Variants in FAF1 observed in about 807,000 individuals in gnomAD.
FAF1 encodes FAS-associated factor 1.
A neutral mutation model predicts 92.5 loss-of-function variants in FAF1; 25 were observed. That is an observed-to-expected ratio of 0.27 (90% confidence interval 0.20 to 0.38). The LOEUF is 0.38. Among genes scored for constraint, FAF1 ranks in the 10% least tolerant of loss-of-function variants. The pLI is 1.00. For missense variants in FAF1, 636 were observed against 793.3 expected, an observed-to-expected ratio of 0.80 and a Z score of 2.38; for synonymous variants, 234 against 273.2, an observed-to-expected ratio of 0.86 and a Z score of 1.42.
rs559836988 is a variant in FAF1 at position 50,813,075 on chromosome 1, G to A, written c.115-11398C>T. On this transcript the variant is annotated intron_variant, in intron 2 of 18. Coordinates refer to ENST00000396153, the MANE Select transcript of FAF1 (RefSeq NM_007051.3). ...ACACTGGGGCCTCCTTGAGAGTGGC[G>A]GGTGGGAGGAAGGTGAGGACAGAAA... Among the ~76,000 whole-genome samples the A allele has an allele frequency of 4.4e-3, 671 of 152,170 alleles. 4 individuals are homozygous for A. The highest frequency in any genetic ancestry group is 0.013 in the African/African-American group (548 of 41,528).
intron 1 of FAF1, among the ~76,000 whole-genome samples, chr1:50,915,593 AGGCAGAGGTAAGGCAGGG>A (rs1040670035): frequency 2.6e-5 from 4 of 152,026 alleles, no homozygotes; most frequent in African/African-American, 9.7e-5. Context: ...GTACCTCAGG[AGGCAGAGGTAAGGCAGGG>A]GGCTGAAAAT....
At chr1:50,646,654 A>T (rs1269501458) in intron 8 of FAF1, among the ~76,000 whole-genome samples, 2 of 152,162 alleles carry the variant, frequency 1.3e-5, no homozygotes, top group African/African-American at 4.8e-5. Context: ...ACTGTTAGCA[A>T]AATTGGTTGT....
chr1:50,725,030 T>G (rs1163641536), intron 6 of FAF1, among the ~76,000 whole-genome samples: 1 of 152,192 alleles, frequency 6.6e-6, no homozygotes, highest in Non-Finnish European at 1.5e-5. Flanking sequence ...AGATTTCGAT[T>G]TAGATCTAGA....
intron 1 of FAF1, among the ~76,000 whole-genome samples, chr1:50,869,212 T>C (rs551036451): frequency 9.2e-5 from 14 of 152,186 alleles, no homozygotes; most frequent in South Asian, 2.1e-4. Flanking sequence ...AATAGTTTCA[T>C]AGTATATAAT....
At chr1:50,551,719 A>G (rs757085221) in intron 13 of FAF1, among the ~76,000 whole-genome samples, 3 of 152,220 alleles carry the variant, frequency 2.0e-5, no homozygotes, top group Non-Finnish European at 2.9e-5. Context: ...AAGGTGTTCC[A>G]AAAGATCCTT....
intron 2 of FAF1, among the ~76,000 whole-genome samples, chr1:50,815,233 C>G (rs1369884763): frequency 6.6e-6 from 1 of 152,028 alleles, no homozygotes; most frequent in Admixed American, 6.5e-5. Flanking sequence ...TGTCCACCTC[C>G]CCTCTCTCCC....
chr1:50,889,891 C>T (rs181589508), intron 1 of FAF1, among the ~76,000 whole-genome samples: 2 of 152,300 alleles, frequency 1.3e-5, no homozygotes, highest in East Asian at 3.9e-4. Context: ...CCGCTTGATG[C>T]AGAGCTGAGT....
chr1:50,518,566 G>A (rs1245942363), intron 15 of FAF1, among the ~76,000 whole-genome samples: 1 of 151,752 alleles, frequency 6.6e-6, no homozygotes, highest in African/African-American at 2.4e-5. Context: ...TCAGCCTCCT[G>A]AGTAGCTGGG....
intron 1 of FAF1, among the ~76,000 whole-genome samples, chr1:50,882,668 G>A (rs1302856380): frequency 6.6e-6 from 1 of 151,068 alleles, no homozygotes; most frequent in African/African-American, 2.4e-5. Flanking sequence ...ATGTATGTAT[G>A]TGTAAACACA....
chr1:50,781,101 C>T, intron 4 of FAF1: 1 of 344,468 alleles, frequency 2.9e-6, no homozygotes, highest in South Asian at 2.3e-5. Context: ...ACTCTCAGGA[C>T]ATCATTTACC....
In FAF1 at chr1:50,871,845, C is replaced by A. The variant is rs564273034; in HGVS notation, c.46-13848G>T. On this transcript the variant is annotated intron_variant, in intron 1 of 18. Transcript: ENST00000396153. ...ATTTAGAAAAACGAGGCGGGCGGATCACGAGGTCAGGAGATCGAGACCATC... is the reference window on the plus strand; with the variant it reads ...ATTTAGAAAAACGAGGCGGGCGGATAACGAGGTCAGGAGATCGAGACCATC... 1.1e-4 allele frequency among the ~76,000 whole-genome samples: 16 copies of A among 152,078 alleles called. No individual in the cohort carries two copies. In the East Asian group the frequency reaches 3.1e-3, roughly 29 times the overall value.
In FAF1 at chr1:50,788,155, T is replaced by C; in HGVS notation, c.212A>G (p.His71Arg). 6.2e-7 allele frequency: 1 copy of C among 1,614,180 alleles called. No individual in the cohort carries two copies. Among genetic ancestry groups the C allele is most frequent in the South Asian group, 1.1e-5 (1 of 91,084 alleles). Residue 71 changes from histidine (H) to arginine (R), a missense_variant, in exon 4 of 19, where the codon CAT (histidine) becomes CGT (arginine). By Grantham distance (29) the His-to-Arg change is conservative (BLOSUM62 0). Around this residue, in one of 2 missense-constraint regions of FAF1, gnomAD observed 317 missense variants for 342.4 expected, o/e 0.93. Transcript: ENST00000396153. ...AGAGGAAGTAGGAGCTGAAGCTGGATGACTTGCTGGATTAAATGCAGGTCC... is the reference window on the plus strand; with the variant it reads ...AGAGGAAGTAGGAGCTGAAGCTGGACGACTTGCTGGATTAAATGCAGGTCC... ...IPGPAFNPAS[H>R]PASAPTSSSS...
intron 9 of FAF1, among the ~76,000 whole-genome samples, chr1:50,593,160 G>A (rs1284491181): frequency 6.6e-6 from 1 of 152,094 alleles, no homozygotes. Flanking sequence ...GTAATAATAA[G>A]ATATTACCGA....
In FAF1 at chr1:50,685,070, T is replaced by C. The variant is rs575078163; in HGVS notation, c.657+20716A>G. 7.2e-5 allele frequency among the ~76,000 whole-genome samples: 11 copies of C among 152,132 alleles called. No homozygotes were observed. The South Asian group carries it at 1.5e-3, about 20-fold the overall frequency. On this transcript the variant is annotated intron_variant, in intron 7 of 18. Coordinates refer to ENST00000396153, the MANE Select transcript of FAF1 (RefSeq NM_007051.3). The stretch of plus-strand genomic sequence containing the variant: ...TTTCCTGAAGGATGTGTCAGCTGAG[T>C]GTAGTCTTCTTGAAACACATACGGA...
chr1:50,522,667 C>T (rs957217580), intron 15 of FAF1, among the ~76,000 whole-genome samples: 6 of 152,196 alleles, frequency 3.9e-5, no homozygotes, highest in African/African-American at 1.4e-4. Flanking sequence ...GCCCAAGAAT[C>T]AATAACTTTT....
chr1:50,506,665 G>T (rs751044004), intron 15 of FAF1, among the ~76,000 whole-genome samples: 2 of 152,276 alleles, frequency 1.3e-5, no homozygotes, highest in East Asian at 3.9e-4. Context: ...AATTTTCAGC[G>T]TAAGTTAATG....
chr1:50,542,566 T>C (rs1209594213), intron 13 of FAF1, among the ~76,000 whole-genome samples: 2 of 152,218 alleles, frequency 1.3e-5, no homozygotes, highest in Non-Finnish European at 2.9e-5. Context: ...GTGCATCCAG[T>C]GGCAGGGCCA....
At chr1:50,678,193 T>G (rs1656223931) in intron 7 of FAF1, among the ~76,000 whole-genome samples, 1 of 152,202 alleles carries the variant, frequency 6.6e-6, no homozygotes, top group Non-Finnish European at 1.5e-5. Flanking sequence ...CCAGTCTCTA[T>G]ACACTTGCCT....
chr1:50,834,659 C>A (rs1218617580), intron 2 of FAF1, among the ~76,000 whole-genome samples: 1 of 152,114 alleles, frequency 6.6e-6, no homozygotes, highest in Non-Finnish European at 1.5e-5. Context: ...ATAAAAGTCA[C>A]AACAACCTCT....
Sources: gnomAD v4.1 joint callset for allele counts (sites outside exome capture counted in the v4.1 genomes callset) on GRCh38, gnomAD v4.1.1 for gene constraint, gnomAD v4.1.1 regional missense constraint, MANE v1.5 for transcripts, NCBI Gene and HGNC (gene_info 2026-07-23, HGNC 2026-07-21) for gene names.